Variants in VIRMA observed in about 807,000 individuals in gnomAD.
VIRMA encodes vir like m6A methyltransferase associated.
Under a neutral mutation model 182.4 loss-of-function variants are expected in VIRMA, and 65 were observed. That is an observed-to-expected ratio of 0.36 (90% CI 0.29 to 0.44). The LOEUF (loss-of-function observed/expected upper bound fraction) is 0.44, where lower values mean the gene tolerates loss of function less well. Among genes scored for constraint, VIRMA ranks in the 20% least tolerant of loss-of-function variants. The pLI, the probability that VIRMA is intolerant of heterozygous loss-of-function variation, is 1.00. For synonymous variants in VIRMA, 709 were observed against 743.1 expected, an observed-to-expected ratio of 0.95 and a Z score of 0.75; for missense variants, 1,752 against 2,158.1, an observed-to-expected ratio of 0.81 and a Z score of 3.73.
chr8:94,498,238 C>T (rs1454722039), intron 17 of VIRMA: 1 of 152,124 alleles, frequency 6.6e-6, no homozygotes, highest in Non-Finnish European at 1.5e-5. Flanking sequence ...TTGGAAAATA[C>T]TAATGAGAGA....
rs759240054 is a variant in VIRMA, at chr8:94,538,302, T to C, written c.224A>G (p.Asn75Ser). 8.7e-6 allele frequency: 14 copies of C among 1,613,326 alleles called. No individual in the cohort carries two copies. The highest frequency in any genetic ancestry group is 1.2e-5 in the Non-Finnish European group (14 of 1,179,506). ...HTFQLDLFFN[N>S]VSKPSAPVFD... ...AACAGGGGCACTTGGTTTGCTTACATTGTTGAAGAATAAGTCTAATTGAAA... is the reference window on the plus strand; with the variant it reads ...AACAGGGGCACTTGGTTTGCTTACACTGTTGAAGAATAAGTCTAATTGAAA... Residue 75 changes from asparagine (N) to serine (S), a missense_variant, in exon 3 of 24, where the codon AAT (asparagine) becomes AGT (serine). This residue lies in a region of VIRMA where 195 missense variants were observed against 191.7 expected (regional missense o/e 1.02). Coordinates refer to ENST00000297591, the MANE Select transcript of VIRMA (RefSeq NM_015496.5).
At chr8:94,539,583 C>T (rs1815467018) in intron 2 of VIRMA, among the ~76,000 whole-genome samples, 3 of 152,128 alleles carry the variant, frequency 2.0e-5, no homozygotes, top group Admixed American at 2.0e-4. Context: ...GTCTAGAGTA[C>T]TATCAAAGAG....
chr8:94,520,180 T>G (rs1288751551), intron 8 of VIRMA, among the ~76,000 whole-genome samples: 1 of 108,130 alleles, frequency 9.2e-6, no homozygotes, highest in East Asian at 3.0e-4. Context: ...AGTGAGACCC[T>G]GCATCAAAAA....
intron 16 of VIRMA, among the ~76,000 whole-genome samples, chr8:94,500,338 G>A (rs1813928844): frequency 6.6e-6 from 1 of 152,218 alleles, no homozygotes; most frequent in African/African-American, 2.4e-5. Flanking sequence ...GACGGAGGTT[G>A]CAGTGAGCCG....
At chr8:94,544,032 C>T (rs541661438) in intron 1 of VIRMA, 90 bp from the exon 2 acceptor site, 6 of 683,296 alleles carry the variant, frequency 8.8e-6, no homozygotes, top group African/African-American at 1.8e-5. Context: ...CACAATGTCA[C>T]ATGTAAACTT....
At chr8:94,533,499 T>C (rs1815237194) in intron 5 of VIRMA, 1 of 152,350 alleles carries the variant, frequency 6.6e-6, no homozygotes, top group Non-Finnish European at 1.5e-5. Flanking sequence ...TGGAGTGCAG[T>C]GGCATGATCA....
In VIRMA at chr8:94,511,061, C is replaced by T. The variant is rs932564807; in HGVS notation, c.3390+124G>A. On this transcript the variant is annotated intron_variant, in intron 13 of 23. Transcript: ENST00000297591. ...GTTTCAGTTTTATCTCCCCCTCATC[C>T]GGTTATTTTATGTCTTTTTGGGAGG... 3.9e-5 allele frequency: 56 copies of T among 1,442,922 alleles called. No homozygotes were observed. The Middle Eastern group carries it at 1.1e-3, about 28-fold the overall frequency. 89.4% of individuals were successfully genotyped at this position (1,442,922 alleles called of 1,614,324 possible).
At chr8:94,531,973 T>C (rs1049878591) in intron 5 of VIRMA, among the ~76,000 whole-genome samples, 1 of 152,208 alleles carries the variant, frequency 6.6e-6, no homozygotes, top group African/African-American at 2.4e-5. Context: ...TGTAAAATAA[T>C]ATAACTATAG....
At chr8:94,545,478 G>A (rs1815726935) in intron 1 of VIRMA, among the ~76,000 whole-genome samples, 1 of 152,112 alleles carries the variant, frequency 6.6e-6, no homozygotes. Flanking sequence ...AAGAGTTTCT[G>A]TATTTGCTGC....
At chr8:94,522,981 C>T (rs1168898742) in intron 8 of VIRMA, among the ~76,000 whole-genome samples, 7 of 152,120 alleles carry the variant, frequency 4.6e-5, no homozygotes, top group Non-Finnish European at 2.9e-5. Context: ...AAATATACCT[C>T]CTCCATATGG....
rs767113912 is a variant in VIRMA at position 94,527,338 on chromosome 8, G to C, written c.906C>G (p.Ser302=). 1.9e-6 allele frequency: 3 copies of C among 1,578,758 alleles called. No individual in the cohort carries two copies. The East Asian group carries it at 6.8e-5, about 36-fold the overall frequency. Residue 302 remains serine (S), a synonymous_variant, in exon 8 of 24, where the codon TCC becomes TCG. Transcript: ENST00000297591. The stretch of plus-strand genomic sequence containing the variant: ...AGTCAGCAATTCCATCTTCATCACT[G>C]GAAATTTGTTCATAACCATCATCCC... ...GEGDDGYEQI[S]SDEDGIADLE...
intron 10 of VIRMA, 128 bp from the exon 11 acceptor site, chr8:94,515,079 G>A: frequency 2.0e-6 from 1 of 488,238 alleles, no homozygotes; most frequent in African/African-American, 2.0e-5. Context: ...TTCATGCAGG[G>A]ATGGACATGC....
chr8:94,530,514 AAAAG>A (rs1315169722), intron 6 of VIRMA, among the ~76,000 whole-genome samples: 5 of 151,974 alleles, frequency 3.3e-5, no homozygotes, highest in South Asian at 2.1e-4. Flanking sequence ...AAAAAAAGAA[AAAAG>A]AAAGAAAGAA....
intron 1 of VIRMA, among the ~76,000 whole-genome samples, chr8:94,550,320 T>C (rs1295448922): frequency 6.6e-6 from 1 of 150,646 alleles, no homozygotes; most frequent in Non-Finnish European, 1.5e-5. Context: ...TGAGACGGAG[T>C]CTCGCTCTGT....
chr8:94,548,239 A>G (rs1312405995), intron 1 of VIRMA, among the ~76,000 whole-genome samples: 1 of 150,976 alleles, frequency 6.6e-6, no homozygotes, highest in Non-Finnish European at 1.5e-5. Context: ...TTAAAAAAAT[A>G]AGCTTACTTT....
At chr8:94,525,174 G>A (rs1404912765) in intron 8 of VIRMA, among the ~76,000 whole-genome samples, 1 of 152,198 alleles carries the variant, frequency 6.6e-6, no homozygotes, top group Non-Finnish European at 1.5e-5. Flanking sequence ...AAGCATAAAA[G>A]AGTTAAAAGT....
intron 22 of VIRMA, among the ~76,000 whole-genome samples, chr8:94,491,017 T>C (rs975892814): frequency 2.0e-5 from 3 of 151,648 alleles, no homozygotes; most frequent in Admixed American, 6.6e-5. Flanking sequence ...ATTCTCAATG[T>C]AAAAAGGAAA....
rs139828193 is a variant in VIRMA at position 94,493,888 on chromosome 8, C to T, written c.4641+972G>A. Among the ~76,000 whole-genome samples the T allele has an allele frequency of 3.9e-3, 594 of 152,202 alleles. 4 individuals are homozygous for T. The highest frequency in any genetic ancestry group is 0.013 in the African/African-American group (546 of 41,516). Reference sequence around the variant, plus strand: ...TCTCTGAGAAGCATAGAACAGACTGCAATAAATTTTAAATAGTTAATTATA... The same window carrying T: ...TCTCTGAGAAGCATAGAACAGACTGTAATAAATTTTAAATAGTTAATTATA... On this transcript the variant is annotated intron_variant, in intron 20 of 23. Coordinates refer to ENST00000297591, the MANE Select transcript of VIRMA (RefSeq NM_015496.5).
At chr8:94,553,311 G>C (rs750446847) in intron 1 of VIRMA, 74 bp downstream of exon 1, 122 of 1,428,544 alleles carry the variant, frequency 8.5e-5, no homozygotes, top group Middle Eastern at 1.7e-4. Context: ...AGGAAAAGTG[G>C]AGAACGCCTA....
Sources: allele counts gnomAD v4.1 joint callset (sites outside exome capture counted in the v4.1 genomes callset), GRCh38; gene constraint gnomAD v4.1.1; regional missense constraint gnomAD v4.1.1; transcripts MANE v1.5; gene names NCBI Gene and HGNC (gene_info 2026-07-23, HGNC 2026-07-21).